Variants in DENND4A observed in about 807,000 individuals in gnomAD.
DENND4A encodes the protein DENN domain containing 4A.
DENND4A carries 70 observed loss-of-function variants against 199.3 expected under a neutral mutation model. The observed-to-expected ratio is 0.35, with a 90% CI of 0.29 to 0.43. The LOEUF is 0.43. Among genes scored for constraint, DENND4A ranks in the 20% least tolerant of loss-of-function variants. The pLI, the probability that DENND4A is intolerant of heterozygous loss-of-function variation, is 1.00. For missense variants in DENND4A, 1,723 were observed against 2,255.8 expected (o/e 0.76, Z 4.78); for synonymous variants, 686 against 766.9 (o/e 0.89, Z 1.74).
At chr15:65,731,726 T>C in intron 8 of DENND4A, 26 bp from the exon 9 acceptor site, 4 of 1,496,804 alleles carry the variant, frequency 2.7e-6, no homozygotes, top group Non-Finnish European at 3.6e-6. Context: ...AAATAAAGAA[T>C]TTGAAACATA....
At chr15:65,720,103 TAAG>T in intron 12 of DENND4A, among the ~76,000 whole-genome samples, 1 of 152,246 alleles carries the variant, frequency 6.6e-6, no homozygotes, top group South Asian at 2.1e-4. Flanking sequence ...TAAAGAACAT[TAAG>T]ATGATAACTG....
chr15:65,693,635 A>AC (rs941825416), intron 22 of DENND4A, among the ~76,000 whole-genome samples: 1 of 150,976 alleles, frequency 6.6e-6, no homozygotes, highest in Admixed American at 6.6e-5. Flanking sequence ...TCTGACTCCT[A>AC]CCCTCATTTA....
chr15:65,784,710 G>A (rs1411829117), intron 1 of DENND4A, among the ~76,000 whole-genome samples: 1 of 152,084 alleles, frequency 6.6e-6, no homozygotes, highest in African/African-American at 2.4e-5. Context: ...GTATGTGTAA[G>A]TGCCTATAAG....
At chr15:65,676,412 C>A in intron 24 of DENND4A, 33 bp downstream of exon 24, 1 of 1,446,322 alleles carries the variant, frequency 6.9e-7, no homozygotes, top group Non-Finnish European at 9.2e-7. Flanking sequence ...AACTACAAAT[C>A]AAATGCAGTA....
intron 23 of DENND4A, among the ~76,000 whole-genome samples, chr15:65,685,758 A>C (rs2076755623): frequency 6.6e-6 from 1 of 152,256 alleles, no homozygotes; most frequent in African/African-American, 2.4e-5. Context: ...ATATCCAATT[A>C]TCTCAGCACC....
In DENND4A at chr15:65,771,273, T is replaced by C. The variant is rs954413643; in HGVS notation, c.-101-9835A>G. The stretch of plus-strand genomic sequence containing the variant: ...CGGAGTCGATCACCACGGTATACTT[T>C]TGCTGCATACTGCATATCTGTTTTT... On this transcript the variant is annotated intron_variant, in intron 1 of 32. Coordinates refer to ENST00000443035, the MANE Select transcript of DENND4A (RefSeq NM_001320835.1). The C allele has an allele frequency of 6.3e-6, 10 of 1,586,038 alleles. No homozygotes were observed. The African/African-American group carries it at 1.2e-4, about 19-fold the overall frequency.
rs749866707 is a variant in DENND4A, at chr15:65,756,129, A to G, written c.311+11T>C. 6.3e-7 allele frequency: 1 copy of G among 1,582,388 alleles called. No homozygotes were observed. Among genetic ancestry groups the G allele is most frequent in the African/African-American group, 1.4e-5 (1 of 73,764 alleles). On this transcript the variant is annotated intron_variant, in intron 3 of 32. Transcript: ENST00000443035. ...GATCAATAACAGTAAGTCGTTTAAA[A>G]AAATACTTACCCCAGATCTGTAAGT...
In DENND4A at chr15:65,737,006, GA is replaced by G. The variant is rs914918289; in HGVS notation, c.1040+700del. Among the ~76,000 whole-genome samples, 18 of 151,124 alleles carry G rather than the reference GA, an allele frequency of 1.2e-4. No homozygotes were observed. The South Asian group carries it at 1.9e-3, about 16-fold the overall frequency. Reference sequence around the variant, plus strand: ...TCCATTACTGCATATATTGCCAAAGGAAAAAAAATGCATTCATCTAATTTCT... The same window carrying G: ...TCCATTACTGCATATATTGCCAAAGGAAAAAAATGCATTCATCTAATTTCT... On this transcript the variant is annotated intron_variant, in intron 7 of 32. Coordinates refer to ENST00000443035, the MANE Select transcript of DENND4A (RefSeq NM_001320835.1).
At position 65,768,570 on chromosome 15, in the gene DENND4A, T is replaced by C. The variant is rs186800627; in HGVS notation, c.-101-7132A>G. 3.8e-3 allele frequency among the ~76,000 whole-genome samples: 586 copies of C among 152,326 alleles called. 11 individuals carry two copies. Among genetic ancestry groups the C allele is most frequent in the Admixed American group, 0.03 (463 of 15,296 alleles). On this transcript the variant is annotated intron_variant, in intron 1 of 32. Coordinates refer to ENST00000443035, the MANE Select transcript of DENND4A (RefSeq NM_001320835.1). ...TACATAAATGGAACATGGAAGGACA[T>C]ATAAAGTGTACATTATTTTGGTCCA...
chr15:65,662,885 G>GA (rs2141817320), intron 32 of DENND4A, among the ~76,000 whole-genome samples: 1 of 152,218 alleles, frequency 6.6e-6, no homozygotes, highest in African/African-American at 2.4e-5. Context: ...TGGAGGTCCG[G>GA]AATTTTTTAG....
intron 22 of DENND4A, among the ~76,000 whole-genome samples, chr15:65,693,207 G>A (rs1018436287): frequency 2.0e-5 from 3 of 152,024 alleles, no homozygotes; most frequent in Non-Finnish European, 2.9e-5. Context: ...ACATAATTCC[G>A]GCCAGTGATA....
In DENND4A at chr15:65,659,825, C is replaced by T. The variant is rs770962425; in HGVS notation, c.*2026G>A. The stretch of plus-strand genomic sequence containing the variant: ...AAAGAGGAGGTAAAAATTACATTCG[C>T]TTTTCCAAATGAGTCTGAATCGTAA... On this transcript the variant is annotated 3_prime_UTR_variant, in exon 33 of 33. Coordinates refer to ENST00000443035, the MANE Select transcript of DENND4A (RefSeq NM_001320835.1). The T allele has an allele frequency of 6.5e-6, 1 of 153,226 alleles. No homozygotes were observed. The highest frequency in any genetic ancestry group is 2.4e-5 in the African/African-American group (1 of 41,416). The allele number at this position is 153,226 out of a possible 1,614,324, so 9.5% of individuals were successfully genotyped here.
At chr15:65,728,014 G>GT (rs1236786412) in intron 11 of DENND4A, among the ~76,000 whole-genome samples, 1 of 148,388 alleles carries the variant, frequency 6.7e-6, no homozygotes, top group South Asian at 2.1e-4. Context: ...GTTTTTTTTT[G>GT]TTTTTTTCTT....
chr15:65,771,066 T>C, intron 1 of DENND4A: 20 of 1,115,132 alleles, frequency 1.8e-5, no homozygotes, highest in South Asian at 8.7e-5. Flanking sequence ...AACTATTCAG[T>C]TTAATTTTCA....
intron 1 of DENND4A, among the ~76,000 whole-genome samples, chr15:65,776,163 C>G (rs753245705): frequency 1.3e-5 from 2 of 152,102 alleles, no homozygotes; most frequent in Non-Finnish European, 2.9e-5. Flanking sequence ...TAAGAGTAAG[C>G]AATGTTACAC....
At chr15:65,687,794 T>A (rs1328375686) in intron 23 of DENND4A, among the ~76,000 whole-genome samples, 2 of 152,186 alleles carry the variant, frequency 1.3e-5, no homozygotes, top group African/African-American at 4.8e-5. Flanking sequence ...TATTTTAATT[T>A]TTTTTTAGCA....
chr15:65,718,148 C>A (rs1218638273), intron 12 of DENND4A, among the ~76,000 whole-genome samples, 152 bp from the exon 13 acceptor site: 1 of 152,060 alleles, frequency 6.6e-6, no homozygotes, highest in Non-Finnish European at 1.5e-5. Context: ...GCAAAGCTTG[C>A]CATAGCATTT....
chr15:65,771,581 T>C, intron 1 of DENND4A: 2 of 1,612,890 alleles, frequency 1.2e-6, no homozygotes, highest in Middle Eastern at 1.7e-4. Context: ...AAAACCTCCA[T>C]CTCCTCTTTC....
intron 23 of DENND4A, among the ~76,000 whole-genome samples, chr15:65,687,748 C>T (rs757318551): frequency 2.0e-5 from 3 of 151,936 alleles, no homozygotes; most frequent in African/African-American, 7.3e-5. Flanking sequence ...TTTATGGCTC[C>T]GTAGGTAATG....
Sources: gnomAD v4.1 joint callset for allele counts (sites outside exome capture counted in the v4.1 genomes callset) on GRCh38, gnomAD v4.1.1 for gene constraint, MANE v1.5 for transcripts, NCBI Gene and HGNC (gene_info 2026-07-23, HGNC 2026-07-21) for gene names.